The following ARIH1 variants were observed in gnomAD, a reference collection of about 807,000 sequenced individuals.
ARIH1 encodes the protein E3 ubiquitin-protein ligase ARIH1.
Under a neutral mutation model 85.0 loss-of-function variants are expected in ARIH1, and 8 were observed. The ratio of observed to expected loss-of-function variants is 0.09; its 90% CI spans 0.06 to 0.17. The LOEUF (loss-of-function observed/expected upper bound fraction) is 0.17. ARIH1 is among the 10% of genes least tolerant of loss of function. ARIH1 has a pLI of 1.00. For synonymous variants in ARIH1, 238 were observed against 253.6 expected (o/e 0.94, Z 0.59); for missense variants, 311 against 718.1 (o/e 0.43, Z 6.48).
chr15:72,492,852 C>T (rs538498288), intron 1 of ARIH1, among the ~76,000 whole-genome samples: 1 of 151,986 alleles, frequency 6.6e-6, no homozygotes, highest in Non-Finnish European at 1.5e-5. Context: ...TTCTAGTCAC[C>T]CTTAGGAATG....
intron 1 of ARIH1, among the ~76,000 whole-genome samples, chr15:72,509,057 C>A (rs1032706725): frequency 6.7e-6 from 1 of 148,274 alleles, no homozygotes; most frequent in Non-Finnish European, 1.5e-5. Context: ...GTGGCCTGAT[C>A]TCAGCTCACT....
chr15:72,557,752 ATTCT>A (rs1163907831), intron 5 of ARIH1, among the ~76,000 whole-genome samples: 1 of 152,150 alleles, frequency 6.6e-6, no homozygotes, highest in Non-Finnish European at 1.5e-5. Flanking sequence ...GTCAAGTTTC[ATTCT>A]TCTGCATGTG....
In ARIH1 at chr15:72,591,241, A is replaced by AAAAG. The variant is rs2064342083; in HGVS notation, c.*7951_*7952insAGAA. 6.7e-6 allele frequency: 1 copy of AAAAG among 148,974 alleles called. No homozygotes were observed. Among genetic ancestry groups the AAAAG allele is most frequent in the Non-Finnish European group, 1.5e-5 (1 of 67,342 alleles). The allele number at this position is 148,974 out of a possible 1,614,324, so 9.2% of individuals were successfully genotyped here. A position where few individuals can be genotyped will look rare whatever the true frequency, so the allele number is the denominator to read the frequency against. On this transcript the variant is annotated 3_prime_UTR_variant, in exon 14 of 14. Coordinates refer to ENST00000379887, the MANE Select transcript of ARIH1 (RefSeq NM_005744.5). ...TCTCAAAAAAAAAAAAAAAAAAAAA[A>AAAAG]AAGAAGAAGAAGAAGAAATACAAAA...
rs2140446964 is a variant in ARIH1 at position 72,595,354 on chromosome 15, A to C, written c.*12062A>C. On this transcript the variant is annotated 3_prime_UTR_variant, in exon 14 of 14. Coordinates refer to ENST00000379887, the MANE Select transcript of ARIH1 (RefSeq NM_005744.5). The stretch of plus-strand genomic sequence containing the variant: ...GTCACCACACCAGGCAAATTTAAGA[A>C]ATTTTTTGTAGATCTTGCCGTGTTG... 6.6e-6 allele frequency: 1 copy of C among 151,858 alleles called. No individual in the cohort carries two copies. The allele number at this position is 151,858 out of a possible 1,614,324, so 9.4% of individuals were successfully genotyped here. A position where few individuals can be genotyped will look rare whatever the true frequency, so the allele number is the denominator to read the frequency against.
chr15:72,480,882 G>C, intron 1 of ARIH1, among the ~76,000 whole-genome samples: 1 of 152,102 alleles, frequency 6.6e-6, no homozygotes, highest in Non-Finnish European at 1.5e-5. Flanking sequence ...TTTAATCTGG[G>C]ACTGAAAATG....
At chr15:72,563,616 G>A in intron 7 of ARIH1, 116 bp downstream of exon 7, 2 of 801,272 alleles carry the variant, frequency 2.5e-6, no homozygotes, top group South Asian at 3.4e-5. Context: ...GGAGATGTTT[G>A]ATACTGGTTT....
rs2064356388 is a variant in ARIH1 at position 72,594,794 on chromosome 15, ATTTTATGCCTTTTCTTCTTTTTT to A, written c.*11507_*11529del. On this transcript the variant is annotated 3_prime_UTR_variant, in exon 14 of 14. Transcript: ENST00000379887. ...AATAATGTTTTTACTTCTTTTTCTGATTTTATGCCTTTTCTTCTTTTTTTTTTTTTTTTTTTTTTTTTTTGTCT... is the reference window on the plus strand; with the variant it reads ...AATAATGTTTTTACTTCTTTTTCTGATTTTTTTTTTTTTTTTTTTTTGTCT... 3.0e-5 allele frequency: 2 copies of A among 66,834 alleles called. No homozygotes were observed. The highest frequency in any genetic ancestry group is 1.3e-4 in the African/African-American group (2 of 15,004). 4.1% of individuals were successfully genotyped at this position (66,834 alleles called of 1,614,324 possible).
At chr15:72,503,773 C>T (rs2063913000) in intron 1 of ARIH1, among the ~76,000 whole-genome samples, 1 of 152,234 alleles carries the variant, frequency 6.6e-6, no homozygotes, top group Non-Finnish European at 1.5e-5. Flanking sequence ...ACTCTGCTTG[C>T]AGCCCTCAAC....
chr15:72,545,088 C>T (rs1452424884), intron 3 of ARIH1, 124 bp downstream of exon 3: 1 of 795,656 alleles, frequency 1.3e-6, no homozygotes, highest in Non-Finnish European at 1.8e-6. Flanking sequence ...CATAACCTAT[C>T]AATGTATTCA....
At chr15:72,508,377 A>G (rs1175822306) in intron 1 of ARIH1, among the ~76,000 whole-genome samples, 2 of 152,230 alleles carry the variant, frequency 1.3e-5, no homozygotes, top group African/African-American at 2.4e-5. Context: ...TCACTGAACT[A>G]TCAGTTTTGG....
At chr15:72,578,157 C>T (rs896166572) in intron 11 of ARIH1, among the ~76,000 whole-genome samples, 6 of 152,200 alleles carry the variant, frequency 3.9e-5, no homozygotes, top group East Asian at 1.9e-4. Context: ...TCACCTTCCA[C>T]GTTTTCTTTG....
rs2064339311 is a variant in ARIH1 at position 72,590,685 on chromosome 15, C to T, written c.*7393C>T. 6.6e-6 allele frequency: 1 copy of T among 152,260 alleles called. No homozygotes were observed. Among genetic ancestry groups the T allele is most frequent in the African/African-American group, 2.4e-5 (1 of 41,414 alleles). 9.4% of individuals were successfully genotyped at this position (152,260 alleles called of 1,614,324 possible). ...CTGCCGTGAACTCCAGGACTCAAGC[C>T]ATCTTCCTGCCACAGCCTCCTGAGT... is the stretch of plus-strand genomic sequence containing the variant. On this transcript the variant is annotated 3_prime_UTR_variant, in exon 14 of 14. Coordinates refer to ENST00000379887, the MANE Select transcript of ARIH1 (RefSeq NM_005744.5).
intron 1 of ARIH1, among the ~76,000 whole-genome samples, chr15:72,481,435 C>T (rs1378607812): frequency 6.6e-6 from 1 of 152,188 alleles, no homozygotes; most frequent in South Asian, 2.1e-4. Context: ...GGGGACCAGT[C>T]ACGGTGGCTC....
At chr15:72,499,407 C>T (rs927906984) in intron 1 of ARIH1, among the ~76,000 whole-genome samples, 3 of 151,704 alleles carry the variant, frequency 2.0e-5, no homozygotes, top group Non-Finnish European at 2.9e-5. Context: ...TTTAATATGT[C>T]TCTTCCTTTT....
chr15:72,532,171 T>A (rs1797165607), intron 2 of ARIH1, among the ~76,000 whole-genome samples: 1 of 151,990 alleles, frequency 6.6e-6, no homozygotes, highest in South Asian at 2.1e-4. Context: ...TAAGATTTTT[T>A]TTTTTTTTTA....
rs377372538 is a variant in ARIH1, at chr15:72,567,088, G to T, written c.955-18G>T. ...AAAAGTCTTTTGTTGTATCCTAACC[G>T]TTGTTATTTTCAAACAGTGGTTAAA... On this transcript the variant is annotated intron_variant, in intron 8 of 13. Transcript: ENST00000379887. The T allele has an allele frequency of 5.7e-6, 9 of 1,588,440 alleles. No homozygotes were observed. Among genetic ancestry groups the T allele is most frequent in the Non-Finnish European group, 6.0e-6 (7 of 1,161,666 alleles).
intron 2 of ARIH1, among the ~76,000 whole-genome samples, chr15:72,529,127 G>A (rs573636650): frequency 7.9e-5 from 12 of 151,914 alleles, no homozygotes; most frequent in African/African-American, 2.9e-4. Context: ...GTGAACCCAG[G>A]AGGCGGAGCT....
At chr15:72,495,307 C>A (rs2063875552) in intron 1 of ARIH1, among the ~76,000 whole-genome samples, 1 of 152,290 alleles carries the variant, frequency 6.6e-6, no homozygotes, top group African/African-American at 2.4e-5. Context: ...ACAACTGTCA[C>A]AATTCTGTGA....
chr15:72,582,193 T>G lies in ARIH1; in HGVS notation c.1589+6T>G. The G allele has an allele frequency of 6.3e-7, 1 of 1,594,138 alleles. No individual in the cohort carries two copies. The highest frequency in any genetic ancestry group is 8.6e-7 in the Non-Finnish European group (1 of 1,167,794). On this transcript the variant is annotated splice_donor_region_variant and intron_variant, in intron 13 of 13. Coordinates refer to ENST00000379887, the MANE Select transcript of ARIH1 (RefSeq NM_005744.5). This position sits in a 1 kb window ranked among gnomAD's most constrained non-coding sequence, Gnocchi z 4.6. ...AAAGTACAAGACAAGTACAGGTAAT[T>G]TTTTTTTAAGCTGTTGAATAAAACT...
Sources: allele counts gnomAD v4.1 joint callset (sites outside exome capture counted in the v4.1 genomes callset), GRCh38; gene constraint gnomAD v4.1.1; non-coding constraint Gnocchi (gnomAD v3.1); transcripts MANE v1.5; gene names NCBI Gene and HGNC (gene_info 2026-07-23, HGNC 2026-07-21).